ZNF280B: variants seen among roughly 807,000 people sequenced by gnomAD.
The protein encoded by ZNF280B is suppressor of hairy wing homolog 2.
In ZNF280B, 16 loss-of-function variants were observed where a neutral mutation model predicts 38.0. The ratio of observed to expected loss-of-function variants is 0.42; its 90% CI spans 0.28 to 0.64. The LOEUF (loss-of-function observed/expected upper bound fraction) is 0.64. Among genes scored for constraint, ZNF280B ranks in the 30% least tolerant of loss-of-function variants. The probability of loss-of-function intolerance (pLI) is 0.21; values close to 1 mark genes in which losing one functional copy is unlikely to be tolerated. For missense variants in ZNF280B, 581 were observed against 639.6 expected, an observed-to-expected ratio of 0.91 and a Z score of 0.99; for synonymous variants, 253 against 230.6, an observed-to-expected ratio of 1.10 and a Z score of -0.88.
At chr22:22,505,496 A>G (rs2061918103) in intron 2 of ZNF280B, among the ~76,000 whole-genome samples, 3 of 151,658 alleles carry the variant, frequency 2.0e-5, no homozygotes, top group African/African-American at 7.3e-5. Flanking sequence ...AACCCAGAAG[A>G]CAGAGGCTGC....
rs115603373 is a variant in ZNF280B, at chr22:22,502,315, T to A, written c.-187+5495A>T. Among the ~76,000 whole-genome samples, 248 of 152,114 alleles carry A rather than the reference T, an allele frequency of 1.6e-3. 2 individuals are homozygous for A. The highest frequency in any genetic ancestry group is 5.8e-3 in the African/African-American group (242 of 41,518). On this transcript the variant is annotated intron_variant, in intron 2 of 3. Transcript: ENST00000626650. The stretch of plus-strand genomic sequence containing the variant: ...AAACAATCTCAAGCGTTGCAGAGGA[T>A]GTGCAGCTATCTGAACCCTCAAATA...
intron 2 of ZNF280B, among the ~76,000 whole-genome samples, chr22:22,500,704 C>T (rs2061799142): frequency 6.6e-6 from 1 of 151,228 alleles, no homozygotes; most frequent in Non-Finnish European, 1.5e-5. Context: ...AAAAAAAATA[C>T]AAAAATTAGC....
chr22:22,506,436 A>G (rs2061941692), intron 2 of ZNF280B, among the ~76,000 whole-genome samples: 1 of 151,894 alleles, frequency 6.6e-6, no homozygotes, highest in Admixed American at 6.6e-5. Context: ...GATCAAATAA[A>G]ATCACGAAAA....
At chr22:22,493,158 G>A (rs542067279) in intron 3 of ZNF280B, among the ~76,000 whole-genome samples, 4 of 151,596 alleles carry the variant, frequency 2.6e-5, no homozygotes, top group Non-Finnish European at 5.9e-5. Context: ...TTACAGGTGC[G>A]CCACCACGCC....
intron 2 of ZNF280B, among the ~76,000 whole-genome samples, chr22:22,496,823 T>C (rs2061705631): frequency 6.6e-6 from 1 of 150,586 alleles, no homozygotes; most frequent in Non-Finnish European, 1.5e-5. Flanking sequence ...TACTCTTTTT[T>C]TTTTTTTTTT....
intron 2 of ZNF280B, among the ~76,000 whole-genome samples, chr22:22,497,536 T>C (rs1371491795): frequency 6.6e-6 from 1 of 151,806 alleles, no homozygotes; most frequent in Non-Finnish European, 1.5e-5. Flanking sequence ...GTCAAGTTTC[T>C]TCACTAAAGC....
chr22:22,497,297 G>A (rs1353669468), intron 2 of ZNF280B, among the ~76,000 whole-genome samples: 9 of 145,038 alleles, frequency 6.2e-5, no homozygotes, highest in Admixed American at 2.1e-4. Context: ...TTGGGAGGCC[G>A]AGGTAGGCAG....
intron 2 of ZNF280B, among the ~76,000 whole-genome samples, chr22:22,503,966 A>G (rs1459029601): frequency 6.6e-6 from 1 of 151,962 alleles, no homozygotes; most frequent in Non-Finnish European, 1.5e-5. Flanking sequence ...GAGCATTCAC[A>G]TTTTGTTTCA....
chr22:22,507,089 C>T (rs1601744872), intron 2 of ZNF280B, among the ~76,000 whole-genome samples: 1 of 151,968 alleles, frequency 6.6e-6, no homozygotes, highest in East Asian at 2.0e-4. Context: ...ACATGAACAG[C>T]CCCATGGAGA....
chr22:22,497,003 C>T (rs1027408676), intron 2 of ZNF280B, among the ~76,000 whole-genome samples: 9 of 149,744 alleles, frequency 6.0e-5, no homozygotes, highest in Non-Finnish European at 8.9e-5. Context: ...TTTTTAGTAG[C>T]GACGGGGTTT....
intron 2 of ZNF280B, among the ~76,000 whole-genome samples, chr22:22,502,793 G>C (rs1228842530): frequency 6.6e-6 from 1 of 151,846 alleles, no homozygotes; most frequent in African/African-American, 2.4e-5. Flanking sequence ...AATATAGCAG[G>C]TTTGAAAAAT....
chr22:22,502,570 C>T (rs956753213), intron 2 of ZNF280B, among the ~76,000 whole-genome samples: 5 of 151,918 alleles, frequency 3.3e-5, no homozygotes, highest in East Asian at 2.0e-4. Context: ...GTGGTATATC[C>T]GTACAATGAA....
At position 22,488,968 on chromosome 22, in the gene ZNF280B, G is replaced by A; in HGVS notation, c.431C>T (p.Pro144Leu). Residue 144 changes from proline to leucine, a missense_variant, in exon 4 of 4, where the codon CCT becomes CTT. Transcript: ENST00000626650. ...CAATGAATCTGTGAATGTAATCAAA[G>A]GAGAAGGTAATTCTGAAGAGTTATT... is the stretch of plus-strand genomic sequence containing the variant. ...VPNNSSELPS[P>L]LITFTDSLHH... 1 of 1,613,828 alleles carries A rather than the reference G, an allele frequency of 6.2e-7. No homozygotes were observed. The highest frequency in any genetic ancestry group is 8.5e-7 in the Non-Finnish European group (1 of 1,179,966).
intron 3 of ZNF280B, among the ~76,000 whole-genome samples, chr22:22,492,680 T>C (rs935872087): frequency 8.6e-5 from 13 of 151,860 alleles, no homozygotes; most frequent in African/African-American, 3.1e-4. Context: ...AGGTTAGGAA[T>C]TGGAGACCAG....
intron 3 of ZNF280B, among the ~76,000 whole-genome samples, chr22:22,492,446 C>A (rs2061614201): frequency 6.6e-6 from 1 of 151,928 alleles, no homozygotes; most frequent in Admixed American, 6.6e-5. Context: ...AGTAGTCCCC[C>A]AGGGTGGCAA....
chr22:22,487,817 CAG>C lies in ZNF280B; in HGVS notation c.1580_1581del (p.Ser527Ter), dbSNP rs2061521887. 1.2e-6 allele frequency: 2 copies of C among 1,610,384 alleles called. No individual in the cohort carries two copies. Among genetic ancestry groups the C allele is most frequent in the East Asian group, 4.5e-5 (2 of 44,770 alleles). On this transcript the variant is annotated frameshift_variant, in exon 4 of 4. Transcript: ENST00000626650. LOFTEE classifies it high-confidence loss of function. ...CTTTTAGACCTGGGGAGTGATGGTT[CAG>C]AGTCAGATGTGCTCACAGTTATGGA... ...VASITVSTSD[S>X]EPSLPRSKSK...
chr22:22,486,179 GT>G lies in ZNF280B; in HGVS notation c.*1587del, dbSNP rs2061498830. 6.6e-6 allele frequency: 1 copy of G among 152,018 alleles called. No individual in the cohort carries two copies. The highest frequency in any genetic ancestry group is 1.5e-5 in the Non-Finnish European group (1 of 68,020). 9.4% of individuals were successfully genotyped at this position (152,018 alleles called of 1,614,324 possible). A position where few individuals can be genotyped will look rare whatever the true frequency, so the allele number is the denominator to read the frequency against. ...ACATTTAACAGAATAGCTGCAAGCT[GT>G]AATACATTCATGTCCAAAGCAAGAC... On this transcript the variant is annotated 3_prime_UTR_variant, in exon 4 of 4. Coordinates refer to ENST00000626650, the MANE Select transcript of ZNF280B (RefSeq NM_080764.4).
rs756391829 is a variant in ZNF280B, at chr22:22,489,437, T to A, written c.-39A>T. ...TATTCCTGAATGGTGGGGCCACAAG[T>A]CCCAATGCTTCCTTTATATAAACTG... On this transcript the variant is annotated 5_prime_UTR_variant, in exon 4 of 4. Coordinates refer to ENST00000626650, the MANE Select transcript of ZNF280B (RefSeq NM_080764.4). 6.5e-7 allele frequency: 1 copy of A among 1,527,708 alleles called. No individual in the cohort carries two copies. The highest frequency in any genetic ancestry group is 2.1e-5 in the Admixed American group (1 of 47,590). The allele number at this position is 1,527,708 out of a possible 1,614,324, so 94.6% of individuals were successfully genotyped here.
At chr22:22,507,761 G>A (rs958083180) in intron 2 of ZNF280B, 49 bp downstream of exon 2, 1 of 151,836 alleles carries the variant, frequency 6.6e-6, no homozygotes, top group Non-Finnish European at 1.5e-5. Flanking sequence ...GAAACTGAAG[G>A]ACGAAAATAC....
Sources: allele counts gnomAD v4.1 joint callset (sites outside exome capture counted in the v4.1 genomes callset), GRCh38; gene constraint gnomAD v4.1.1; transcripts MANE v1.5; gene names NCBI Gene and HGNC (gene_info 2026-07-23, HGNC 2026-07-21).